NKAIN3: variants seen among roughly 807,000 people sequenced by gnomAD.
NKAIN3 encodes sodium/potassium-transporting ATPase subunit beta-1-interacting protein 3.
Under a neutral mutation model 30.2 loss-of-function variants are expected in NKAIN3, and 25 were observed. The observed-to-expected ratio is 0.83, with a 90% CI of 0.60 to 1.16. The LOEUF is 1.16. NKAIN3 is among the 50% of genes most tolerant of loss of function. The pLI is 0.00. For missense variants in NKAIN3, 225 were observed against 254.1 expected (o/e 0.89, Z 0.78); for synonymous variants, 91 against 89.6 (o/e 1.02, Z -0.09).
At chr8:62,751,488 A>G (rs1816282553) in intron 4 of NKAIN3, among the ~76,000 whole-genome samples, 1 of 152,186 alleles carries the variant, frequency 6.6e-6, no homozygotes, top group Non-Finnish European at 1.5e-5. Flanking sequence ...TGCAAGTGCA[A>G]GAAAATGTGA....
At chr8:62,585,688 G>T (rs980150223) in intron 2 of NKAIN3, among the ~76,000 whole-genome samples, 1 of 152,136 alleles carries the variant, frequency 6.6e-6, no homozygotes, top group African/African-American at 2.4e-5. Context: ...AGGAGGCAGA[G>T]CTTAGGCAGT....
intron 1 of NKAIN3, among the ~76,000 whole-genome samples, chr8:62,300,540 A>G (rs938999928): frequency 2.0e-5 from 3 of 152,138 alleles, no homozygotes; most frequent in Non-Finnish European, 4.4e-5. Context: ...TTTTCTAGCA[A>G]TTAAAAAGTA....
chr8:62,263,421 A>G (rs891186092), intron 1 of NKAIN3, among the ~76,000 whole-genome samples: 3 of 152,120 alleles, frequency 2.0e-5, no homozygotes, highest in African/African-American at 7.2e-5. Context: ...TTCATGGCCC[A>G]AAAGGAAAGG....
chr8:62,879,691 A>G (rs1477607179), intron 4 of NKAIN3, among the ~76,000 whole-genome samples: 1 of 152,102 alleles, frequency 6.6e-6, no homozygotes, highest in African/African-American at 2.4e-5. Context: ...GCTTAGGCCA[A>G]TGCTCCCACC....
At chr8:62,835,922 C>T (rs1819347593) in intron 4 of NKAIN3, among the ~76,000 whole-genome samples, 1 of 152,040 alleles carries the variant, frequency 6.6e-6, no homozygotes, top group South Asian at 2.1e-4. Flanking sequence ...ATGGCAAAGA[C>T]ATGGAGTCAA....
At chr8:62,911,436 T>C (rs1001572348) in intron 4 of NKAIN3, among the ~76,000 whole-genome samples, 2 of 152,200 alleles carry the variant, frequency 1.3e-5, no homozygotes, top group East Asian at 3.9e-4. Context: ...CAAGATAGAA[T>C]TCGCAATGCA....
intron 5 of NKAIN3, among the ~76,000 whole-genome samples, chr8:62,929,664 T>A (rs1403477379): frequency 6.6e-6 from 1 of 152,150 alleles, no homozygotes; most frequent in Non-Finnish European, 1.5e-5. Context: ...CTACTCAGGG[T>A]TTTAAACCAT....
At chr8:62,825,366 T>A (rs1046991333) in intron 4 of NKAIN3, among the ~76,000 whole-genome samples, 1 of 152,234 alleles carries the variant, frequency 6.6e-6, no homozygotes, top group Admixed American at 6.5e-5. Context: ...TAATAAATTG[T>A]GTATGTCCAA....
intron 3 of NKAIN3, among the ~76,000 whole-genome samples, chr8:62,626,057 G>A (rs547739916): frequency 6.6e-6 from 1 of 152,124 alleles, no homozygotes; most frequent in East Asian, 1.9e-4. Context: ...TTTTTGAAGA[G>A]GCTAGTGTTT....
At chr8:62,816,316 T>G (rs1394867661) in intron 4 of NKAIN3, among the ~76,000 whole-genome samples, 1 of 152,160 alleles carries the variant, frequency 6.6e-6, no homozygotes, top group African/African-American at 2.4e-5. Context: ...GTGTATACAA[T>G]TGTCTCCATG....
intron 5 of NKAIN3, among the ~76,000 whole-genome samples, chr8:62,940,939 A>C (rs1049808870): frequency 6.6e-5 from 10 of 152,046 alleles, no homozygotes; most frequent in Non-Finnish European, 1.3e-4. Flanking sequence ...ATATTGAAAA[A>C]AAAAAATACA....
At chr8:62,321,400 G>T (rs565195902) in intron 1 of NKAIN3, among the ~76,000 whole-genome samples, 1 of 152,312 alleles carries the variant, frequency 6.6e-6, no homozygotes, top group African/African-American at 2.4e-5. Context: ...CAGGAGGAAA[G>T]GTGCTCTGAT....
chr8:62,336,772 G>C (rs926515454), intron 1 of NKAIN3, among the ~76,000 whole-genome samples: 1 of 151,990 alleles, frequency 6.6e-6, no homozygotes, highest in African/African-American at 2.4e-5. Context: ...AGTTCCTTCT[G>C]CTCCATGTGA....
At chr8:62,667,384 T>C (rs1262835447) in intron 3 of NKAIN3, among the ~76,000 whole-genome samples, 3 of 145,766 alleles carry the variant, frequency 2.1e-5, no homozygotes, top group East Asian at 2.0e-4. Flanking sequence ...TAAATATATA[T>C]ATATATAAAG....
chr8:62,787,712 A>T (rs909318055), intron 4 of NKAIN3, among the ~76,000 whole-genome samples: 1 of 151,898 alleles, frequency 6.6e-6, no homozygotes, highest in East Asian at 1.9e-4. Context: ...CCGGTGTGTG[A>T]TGTTCCCCTT....
chr8:62,327,603 T>C (rs1815186587), intron 1 of NKAIN3, among the ~76,000 whole-genome samples: 1 of 152,032 alleles, frequency 6.6e-6, no homozygotes, highest in African/African-American at 2.4e-5. Context: ...TACCACTCTT[T>C]TCAACAATGT....
chr8:62,842,077 C>A lies in NKAIN3; in HGVS notation c.472-76376C>A, dbSNP rs558353933. ...ATGATTAGTTCATTTGTTAATGAAC[C>A]TTTTGGCCGTTTGGATGAGTTCTTT... On this transcript the variant is annotated intron_variant, in intron 4 of 6. Transcript: ENST00000623646. 4.7e-4 allele frequency among the ~76,000 whole-genome samples: 72 copies of A among 151,924 alleles called. 1 individual carries two copies. Among genetic ancestry groups the A allele is most frequent in the Middle Eastern group, 6.8e-3 (2 of 294 alleles).
intron 1 of NKAIN3, among the ~76,000 whole-genome samples, chr8:62,446,215 G>A (rs1805481074): frequency 6.6e-6 from 1 of 152,106 alleles, no homozygotes; most frequent in African/African-American, 2.4e-5. Context: ...TGGTTGTAGA[G>A]TCTTCCTCAA....
intron 1 of NKAIN3, among the ~76,000 whole-genome samples, chr8:62,367,405 A>G (rs901089978): frequency 6.6e-6 from 1 of 152,226 alleles, no homozygotes; most frequent in African/African-American, 2.4e-5. Context: ...GGCTGCAAGG[A>G]TGGTTCAATA....
Sources: gnomAD v4.1 joint callset for allele counts (sites outside exome capture counted in the v4.1 genomes callset) on GRCh38, gnomAD v4.1.1 for gene constraint, MANE v1.5 for transcripts, NCBI Gene and HGNC (gene_info 2026-07-23, HGNC 2026-07-21) for gene names.